Variants in GCC2 observed in about 807,000 individuals in gnomAD.
GCC2 encodes the protein GRIP and coiled-coil domain-containing protein 2.
Under a neutral mutation model 210.6 loss-of-function variants are expected in GCC2, and 120 were observed. The ratio of observed to expected loss-of-function variants is 0.57; its 90% confidence interval spans 0.49 to 0.66. The LOEUF (loss-of-function observed/expected upper bound fraction) is 0.66. GCC2 is among the 30% of genes least tolerant of loss of function. The pLI, the probability that GCC2 is intolerant of heterozygous loss-of-function variation, is 0.00. For synonymous variants in GCC2, 703 were observed against 652.7 expected (o/e 1.08, Z -1.17); for missense variants, 1,868 against 1,871.9 (o/e 1.00, Z 0.04).
chr2:108,473,501 A>G (rs554810753), intron 7 of GCC2, among the ~76,000 whole-genome samples: 23 of 152,278 alleles, frequency 1.5e-4, no homozygotes, highest in African/African-American at 5.3e-4. Context: ...TAAACACACT[A>G]GTATGATTGA....
chr2:108,476,751 G>A (rs1311154853), intron 9 of GCC2, among the ~76,000 whole-genome samples: 1 of 152,068 alleles, frequency 6.6e-6, no homozygotes, highest in Non-Finnish European at 1.5e-5. Flanking sequence ...GAGTTCTGGG[G>A]CAGGTTGGAG....
chr2:108,473,926 G>C (rs1681370725), intron 7 of GCC2, among the ~76,000 whole-genome samples: 1 of 152,068 alleles, frequency 6.6e-6, no homozygotes, highest in South Asian at 2.1e-4. Context: ...GGCCTAAGTG[G>C]GCGGATCACG....
At chr2:108,493,161 C>A in intron 19 of GCC2, 1 of 276,356 alleles carries the variant, frequency 3.6e-6, no homozygotes, top group Non-Finnish European at 7.0e-6. Flanking sequence ...GCGATCTCGG[C>A]TCACTGCAAG....
chr2:108,449,414 A>T, intron 1 of GCC2, 134 bp downstream of exon 1: 2 of 1,427,532 alleles, frequency 1.4e-6, no homozygotes, highest in South Asian at 2.8e-5. Flanking sequence ...TCGCCTCCCC[A>T]TCTTTCGTAA....
intron 12 of GCC2, among the ~76,000 whole-genome samples, chr2:108,483,865 A>G (rs1176185138): frequency 6.6e-6 from 1 of 152,246 alleles, no homozygotes; most frequent in Non-Finnish European, 1.5e-5. Flanking sequence ...AGTATTTTAT[A>G]AATAAGAGCT....
intron 11 of GCC2, among the ~76,000 whole-genome samples, chr2:108,482,701 G>C (rs904326871): frequency 6.6e-6 from 1 of 152,048 alleles, no homozygotes; most frequent in Admixed American, 6.6e-5. Context: ...TTTTGAGACG[G>C]AGTCTCGCTC....
In GCC2 at chr2:108,507,786, T is replaced by A. The variant is rs62148108; in HGVS notation, c.*156T>A. 0.1 allele frequency: 58,362 copies of A among 570,824 alleles called. 3,628 individuals are homozygous for A. The highest frequency in any genetic ancestry group is 0.19 in the African/African-American group (9,969 of 52,316). 35.4% of individuals were successfully genotyped at this position (570,824 alleles called of 1,614,324 possible). On this transcript the variant is annotated 3_prime_UTR_variant, in exon 23 of 23. Transcript: ENST00000309863. ...TGACAGATGTATTTTAAAAGTTTCATCTTGAAGTAAAAGTACAACAGCTTG... is the reference window on the plus strand; with the variant it reads ...TGACAGATGTATTTTAAAAGTTTCAACTTGAAGTAAAAGTACAACAGCTTG...
intron 9 of GCC2, among the ~76,000 whole-genome samples, chr2:108,476,054 C>CTTTT (rs56236751): frequency 7.3e-5 from 7 of 96,314 alleles, no homozygotes; most frequent in Non-Finnish European, 1.5e-4. Context: ...TAGTGGCTTG[C>CTTTT]TTTTTTTTTT....
intron 9 of GCC2, among the ~76,000 whole-genome samples, chr2:108,478,152 T>A (rs115588832): frequency 3.2e-4 from 49 of 152,312 alleles, no homozygotes; most frequent in African/African-American, 1.2e-3. Flanking sequence ...TTGTGTAACT[T>A]GCTCTTATGA....
At chr2:108,482,184 T>C in intron 10 of GCC2, 103 bp from the exon 11 acceptor site, 2 of 690,062 alleles carry the variant, frequency 2.9e-6, no homozygotes, top group Non-Finnish European at 2.5e-6. Context: ...GAAATCTTCA[T>C]TTGTCACACT....
chr2:108,467,523 A>G (rs762961440), intron 4 of GCC2, among the ~76,000 whole-genome samples: 5 of 152,096 alleles, frequency 3.3e-5, no homozygotes, highest in Non-Finnish European at 7.4e-5. Flanking sequence ...CCTGTTACCT[A>G]GGCTCAAACA....
At position 108,449,709 on chromosome 2, in the gene GCC2, A is replaced by T; in HGVS notation, c.63+20A>T. The stretch of plus-strand genomic sequence containing the variant: ...TCTAAGGTGAAGAGAATACTTGAAT[A>T]GCGGGCTTCCTGAAGAGTGGAAGGG... On this transcript the variant is annotated intron_variant, in intron 2 of 22. Coordinates refer to ENST00000309863, the MANE Select transcript of GCC2 (RefSeq NM_181453.4). The T allele has an allele frequency of 6.2e-7, 1 of 1,604,734 alleles. No homozygotes were observed. Among genetic ancestry groups the T allele is most frequent in the Non-Finnish European group, 8.5e-7 (1 of 1,171,700 alleles).
At chr2:108,456,430 C>T (rs183776954) in intron 4 of GCC2, among the ~76,000 whole-genome samples, 1 of 152,296 alleles carries the variant, frequency 6.6e-6, no homozygotes, top group African/African-American at 2.4e-5. Flanking sequence ...TTTTGATTTG[C>T]ATATCCCTGA....
In GCC2 at chr2:108,485,825, C is replaced by CT; in HGVS notation, c.3715-5dup. The CT allele has an allele frequency of 1.3e-6, 2 of 1,549,522 alleles. No individual in the cohort carries two copies. Among genetic ancestry groups the CT allele is most frequent in the Non-Finnish European group, 1.8e-6 (2 of 1,140,058 alleles). On this transcript the variant is annotated splice_region_variant and splice_polypyrimidine_tract_variant and intron_variant, in intron 14 of 22. Coordinates refer to ENST00000309863, the MANE Select transcript of GCC2 (RefSeq NM_181453.4). ...AAAAAATTTAACCAAGATTCTCATT[C>CT]TATAGGAAACTGATCACTTAATACT... is the stretch of plus-strand genomic sequence containing the variant.
intron 9 of GCC2, among the ~76,000 whole-genome samples, 158 bp from the exon 10 acceptor site, chr2:108,481,539 A>G (rs1681848869): frequency 6.6e-6 from 1 of 152,160 alleles, no homozygotes; most frequent in East Asian, 1.9e-4. Context: ...AAAATGTGCT[A>G]GTTTTATTAC....
intron 18 of GCC2, among the ~76,000 whole-genome samples, chr2:108,491,823 C>A (rs1315526914): frequency 6.6e-6 from 1 of 150,692 alleles, no homozygotes; most frequent in African/African-American, 2.4e-5. Context: ...AACATGAAAA[C>A]TACAGGTAAA....
chr2:108,507,532 CT>C (rs201688853), intron 22 of GCC2, 27 bp from the exon 23 acceptor site: 12,202 of 1,245,712 alleles, frequency 9.8e-3, no homozygotes, highest in Middle Eastern at 0.012. Flanking sequence ...TTTTATTTTT[CT>C]TTTTTTTTTT....
chr2:108,477,707 T>A (rs1681616174), intron 9 of GCC2, among the ~76,000 whole-genome samples: 1 of 152,218 alleles, frequency 6.6e-6, no homozygotes, highest in Non-Finnish European at 1.5e-5. Flanking sequence ...AAATACTTGA[T>A]CCTTTAACTG....
intron 9 of GCC2, among the ~76,000 whole-genome samples, chr2:108,479,801 G>A (rs890587727): frequency 6.6e-6 from 1 of 152,054 alleles, no homozygotes; most frequent in Admixed American, 6.6e-5. Context: ...GGCCAACATG[G>A]TGAAACCCCA....
Sources: allele counts gnomAD v4.1 joint callset (sites outside exome capture counted in the v4.1 genomes callset), GRCh38; gene constraint gnomAD v4.1.1; transcripts MANE v1.5; gene names NCBI Gene and HGNC (gene_info 2026-07-23, HGNC 2026-07-21).